RETREG1: variants seen among roughly 807,000 people sequenced by gnomAD.
The protein encoded by RETREG1 is reticulophagy regulator 1, also known as family with sequence similarity 134 member B.
A neutral mutation model predicts 54.8 loss-of-function variants in RETREG1; 44 were observed. That is an observed-to-expected ratio of 0.80 (90% CI 0.63 to 1.03). The LOEUF (loss-of-function observed/expected upper bound fraction) is 1.03. RETREG1 is among the 50% of genes least tolerant of loss of function. RETREG1 has a pLI of 0.00. For missense variants in RETREG1, 554 were observed against 605.1 expected (o/e 0.92, Z 0.89); for synonymous variants, 217 against 238.5 (o/e 0.91, Z 0.83).
chr5:16,525,964 T>C (rs1267921494), intron 3 of RETREG1, among the ~76,000 whole-genome samples: 1 of 152,172 alleles, frequency 6.6e-6, no homozygotes, highest in African/African-American at 2.4e-5. Flanking sequence ...CTTAAGGCCT[T>C]CAATTAATTG....
At chr5:16,575,295 C>T (rs1244895791) in intron 1 of RETREG1, among the ~76,000 whole-genome samples, 2 of 152,184 alleles carry the variant, frequency 1.3e-5, no homozygotes, top group Admixed American at 6.5e-5. Flanking sequence ...ATGCGCAGCT[C>T]GGCTCACATG....
intron 3 of RETREG1, among the ~76,000 whole-genome samples, chr5:16,516,765 A>G (rs1235925752): frequency 1.3e-5 from 2 of 152,058 alleles, no homozygotes; most frequent in African/African-American, 2.4e-5. Context: ...CACAAGACAT[A>G]TAACAAAAAA....
intron 3 of RETREG1, among the ~76,000 whole-genome samples, chr5:16,554,924 G>A (rs1012620905): frequency 3.9e-5 from 6 of 152,202 alleles, no homozygotes; most frequent in South Asian, 4.1e-4. Context: ...TCATACAGAC[G>A]CAATCTGCAA....
intron 3 of RETREG1, among the ~76,000 whole-genome samples, chr5:16,563,412 C>T (rs971951989): frequency 2.6e-5 from 4 of 152,046 alleles, no homozygotes; most frequent in Non-Finnish European, 4.4e-5. Context: ...CATGCGCCAC[C>T]ATGCCCAGCT....
intron 3 of RETREG1, among the ~76,000 whole-genome samples, chr5:16,520,089 C>T (rs116111760): frequency 0.019 from 2,824 of 152,230 alleles, 101 homozygotes; most frequent in African/African-American, 0.065. Context: ...CTGCAGCCAT[C>T]CAAGGGCTGC....
At chr5:16,598,064 A>C in intron 1 of RETREG1, among the ~76,000 whole-genome samples, 1 of 147,330 alleles carries the variant, frequency 6.8e-6, no homozygotes, top group African/African-American at 2.5e-5. Context: ...CTCCCCTTCC[A>C]TCTCCCCACC....
intron 1 of RETREG1, among the ~76,000 whole-genome samples, chr5:16,599,755 A>C (rs1331328623): frequency 6.6e-6 from 1 of 152,154 alleles, no homozygotes; most frequent in South Asian, 2.1e-4. Flanking sequence ...CTTCCTCCCC[A>C]AACCACGCCA....
chr5:16,609,792 C>T (rs954264727), intron 1 of RETREG1, among the ~76,000 whole-genome samples: 8 of 152,132 alleles, frequency 5.3e-5, no homozygotes, highest in Non-Finnish European at 1.0e-4. Context: ...TGGGCAGCTG[C>T]GGAGACAATC....
At chr5:16,526,515 A>C (rs1740720747) in intron 3 of RETREG1, among the ~76,000 whole-genome samples, 1 of 152,228 alleles carries the variant, frequency 6.6e-6, no homozygotes, top group Admixed American at 6.5e-5. Flanking sequence ...AAAGACCCTT[A>C]GTCAGGAGTG....
At chr5:16,488,004 G>A (rs763308521) in intron 3 of RETREG1, among the ~76,000 whole-genome samples, 5 of 152,246 alleles carry the variant, frequency 3.3e-5, no homozygotes, top group Non-Finnish European at 7.3e-5. Flanking sequence ...AGCAGCAGCT[G>A]TGTGGGCCTT....
At chr5:16,544,636 G>A (rs946758193) in intron 3 of RETREG1, among the ~76,000 whole-genome samples, 17 of 152,204 alleles carry the variant, frequency 1.1e-4, no homozygotes, top group East Asian at 1.9e-4. Context: ...TTTTGCATAC[G>A]GGTATTAAAT....
chr5:16,563,881 T>C (rs552340554), intron 3 of RETREG1, among the ~76,000 whole-genome samples: 17 of 152,340 alleles, frequency 1.1e-4, no homozygotes, highest in Middle Eastern at 3.4e-3. Flanking sequence ...GAAACTTTCT[T>C]AAGTGAGTCA....
chr5:16,498,988 C>G (rs1190898009), intron 3 of RETREG1, among the ~76,000 whole-genome samples: 1 of 151,550 alleles, frequency 6.6e-6, no homozygotes. Context: ...TAACGCTTAC[C>G]CTAAAACACA....
At chr5:16,564,228 T>C (rs1473263381) in intron 3 of RETREG1, among the ~76,000 whole-genome samples, 5 of 152,192 alleles carry the variant, frequency 3.3e-5, no homozygotes. Flanking sequence ...TAATTGCAAT[T>C]TAAAATAATT....
intron 3 of RETREG1, among the ~76,000 whole-genome samples, chr5:16,553,629 T>C (rs926589584): frequency 2.0e-5 from 3 of 152,134 alleles, no homozygotes; most frequent in Non-Finnish European, 4.4e-5. Context: ...CGGCTTTTTT[T>C]TGAAAAGCAA....
At chr5:16,523,052 G>A (rs1196613752) in intron 3 of RETREG1, among the ~76,000 whole-genome samples, 2 of 151,616 alleles carry the variant, frequency 1.3e-5, no homozygotes, top group East Asian at 1.9e-4. Flanking sequence ...AGAGAGAGAG[G>A]GAAGAAGGGA....
rs1465574713 is a variant in RETREG1 at position 16,492,227 on chromosome 5, TCTCA to T, written c.459-8759_459-8756del. 5.1e-3 allele frequency among the ~76,000 whole-genome samples: 606 copies of T among 117,880 alleles called. 5 individuals carry two copies. The highest frequency in any genetic ancestry group is 0.016 in the African/African-American group (559 of 35,828). The allele number at this position is 117,880 out of a possible 152,430, so 77.3% of individuals were successfully genotyped here. A position where few individuals can be genotyped will look rare whatever the true frequency, so the allele number is the denominator to read the frequency against. Reference sequence around the variant, plus strand: ...CTCTCTCTCTCTCTCTCTCTCTCTCTCTCACACACACACACACACACACACCATT... The same window carrying T: ...CTCTCTCTCTCTCTCTCTCTCTCTCTCACACACACACACACACACACCATT... On this transcript the variant is annotated intron_variant, in intron 3 of 8. Transcript: ENST00000306320.
intron 3 of RETREG1, among the ~76,000 whole-genome samples, chr5:16,537,170 G>A (rs1741097777): frequency 6.6e-6 from 1 of 152,148 alleles, no homozygotes; most frequent in Admixed American, 6.5e-5. Flanking sequence ...CACATAATAG[G>A]TTTCTGTATG....
intron 6 of RETREG1, 67 bp from the exon 7 acceptor site, chr5:16,478,165 T>C: frequency 3.2e-6 from 3 of 942,430 alleles, no homozygotes; most frequent in Non-Finnish European, 5.2e-6. Flanking sequence ...ATTTATTTCA[T>C]TATGTATTCT....
Sources: gnomAD v4.1 joint callset for allele counts (sites outside exome capture counted in the v4.1 genomes callset) on GRCh38, gnomAD v4.1.1 for gene constraint, MANE v1.5 for transcripts, NCBI Gene and HGNC (gene_info 2026-07-23, HGNC 2026-07-21) for gene names.